The following ADGRV1 variants were observed in gnomAD, a reference collection of about 807,000 sequenced individuals.
ADGRV1 encodes adhesion G protein-coupled receptor V1, also known as G-protein coupled receptor 98.
In ADGRV1, 359 loss-of-function variants were observed where a neutral mutation model predicts 596.2. The observed-to-expected ratio is 0.60, with a 90% CI of 0.55 to 0.66. The LOEUF is 0.66. ADGRV1 is among the 30% of genes least tolerant of loss of function. The pLI is 0.00. For missense variants in ADGRV1, 7,274 were observed against 7,575.6 expected, an observed-to-expected ratio of 0.96 and a Z score of 1.48; for synonymous variants, 2,681 against 2,679.2, an observed-to-expected ratio of 1.00 and a Z score of -0.02.
At chr5:90,603,890 G>A in intron 1 of ADGRV1, among the ~76,000 whole-genome samples, 1 of 121,572 alleles carries the variant, frequency 8.2e-6, no homozygotes, top group African/African-American at 2.7e-5. Context: ...GTGTGTACGT[G>A]CCTGCACACA....
intron 89 of ADGRV1, among the ~76,000 whole-genome samples, chr5:91,157,810 A>G (rs1796595309): frequency 1.3e-5 from 2 of 152,228 alleles, no homozygotes; most frequent in Admixed American, 1.3e-4. Context: ...CTGGGAATGT[A>G]TTCCCTTAAA....
intron 1 of ADGRV1, 62 bp downstream of exon 1, chr5:90,558,979 A>T: frequency 6.9e-7 from 1 of 1,451,530 alleles, no homozygotes; most frequent in Non-Finnish European, 9.3e-7. Context: ...GCGCCTCAGC[A>T]TCAGCACCTG....
chr5:90,725,849 T>C (rs555911750), intron 48 of ADGRV1, among the ~76,000 whole-genome samples, 193 bp downstream of exon 48: 40 of 152,304 alleles, frequency 2.6e-4, no homozygotes, highest in Admixed American at 5.2e-4. Flanking sequence ...TGTTATATTA[T>C]CTTCAAGAGC....
At chr5:91,124,150 T>C (rs1793558061) in intron 87 of ADGRV1, among the ~76,000 whole-genome samples, 1 of 152,138 alleles carries the variant, frequency 6.6e-6, no homozygotes, top group Non-Finnish European at 1.5e-5. Flanking sequence ...TTTTTAAACT[T>C]TTTTACTGAG....
chr5:90,614,864 C>G lies in ADGRV1; in HGVS notation c.52C>G (p.Leu18Val). ...GMPSASLLVNLLSALLILFVF... is the reference protein window; with the variant it reads ...GMPSASLLVNVLSALLILFVF... ...GCCCTCTGCATCTTTATTAGTAAATCTTCTTTCAGCTTTACTCATCCTATT... is the reference window on the plus strand; with the variant it reads ...GCCCTCTGCATCTTTATTAGTAAATGTTCTTTCAGCTTTACTCATCCTATT... The change falls in exon 2 of 90, where the codon CTT (leucine) becomes GTT (valine). Residue 18 changes from leucine (L) to valine (V), a missense_variant. Around this residue, in one of 5 missense-constraint regions of ADGRV1, gnomAD observed 1,715 missense variants for 1,708.8 expected, o/e 1.00. Coordinates refer to ENST00000405460, the MANE Select transcript of ADGRV1 (RefSeq NM_032119.4). 1 of 1,610,020 alleles carries G rather than the reference C, an allele frequency of 6.2e-7. No individual in the cohort carries two copies. Among genetic ancestry groups the G allele is most frequent in the Non-Finnish European group, 8.5e-7 (1 of 1,177,626 alleles).
At chr5:90,923,697 G>C (rs1000580663) in intron 83 of ADGRV1, among the ~76,000 whole-genome samples, 6 of 152,166 alleles carry the variant, frequency 3.9e-5, no homozygotes, top group Non-Finnish European at 8.8e-5. Flanking sequence ...AGTTACATAT[G>C]TATACATGTG....
At chr5:90,808,276 C>G (rs73179309) in intron 73 of ADGRV1, among the ~76,000 whole-genome samples, 1 of 152,126 alleles carries the variant, frequency 6.6e-6, no homozygotes, top group Admixed American at 6.5e-5. Context: ...GGGATAGACT[C>G]GACCAGAGCA....
chr5:90,707,093 G>A (rs925542057), intron 38 of ADGRV1, among the ~76,000 whole-genome samples: 12 of 152,084 alleles, frequency 7.9e-5, no homozygotes, highest in African/African-American at 2.7e-4. Context: ...TTTGTTGGTA[G>A]TAGGACCACT....
chr5:90,765,883 T>G (rs1001035647), intron 59 of ADGRV1, among the ~76,000 whole-genome samples: 5 of 151,262 alleles, frequency 3.3e-5, no homozygotes, highest in Non-Finnish European at 7.4e-5. Context: ...TTTTTTTTAA[T>G]TTTTTAAAAA....
At chr5:90,990,576 G>T (rs763249502) in intron 85 of ADGRV1, among the ~76,000 whole-genome samples, 3 of 152,172 alleles carry the variant, frequency 2.0e-5, no homozygotes, top group Non-Finnish European at 4.4e-5. Flanking sequence ...CTCTCCCACC[G>T]CTCACCTCCT....
chr5:90,897,042 A>G (rs1771396260), intron 83 of ADGRV1, among the ~76,000 whole-genome samples: 1 of 152,238 alleles, frequency 6.6e-6, no homozygotes, highest in Non-Finnish European at 1.5e-5. Flanking sequence ...ATTCTTTCAC[A>G]TGTATTTGCT....
At chr5:90,824,851 C>A (rs78832819) in intron 76 of ADGRV1, among the ~76,000 whole-genome samples, 2 of 152,166 alleles carry the variant, frequency 1.3e-5, no homozygotes, top group Non-Finnish European at 2.9e-5. Context: ...TGAAGACTTA[C>A]TGTATTCTAC....
At chr5:91,037,508 G>A (rs1221201290) in intron 85 of ADGRV1, among the ~76,000 whole-genome samples, 1 of 152,136 alleles carries the variant, frequency 6.6e-6, no homozygotes, top group Non-Finnish European at 1.5e-5. Context: ...AGTTAGTTAT[G>A]TGGATGGAAA....
In ADGRV1 at chr5:91,153,358, G is replaced by A. The variant is rs1278171750; in HGVS notation, c.18762G>A (p.Glu6254=). 3 of 1,610,098 alleles carry A rather than the reference G, an allele frequency of 1.9e-6. No homozygotes were observed. The highest frequency in any genetic ancestry group is 1.7e-5 in the Admixed American group (1 of 59,320). The change falls in exon 89 of 90, where the codon GAG becomes GAA. Residue 6254 remains glutamate, a synonymous_variant. Coordinates refer to ENST00000405460, the MANE Select transcript of ADGRV1 (RefSeq NM_032119.4). ...YGQGSLIADE[E]SQEFDDLIFA... is the part of the protein sequence containing the mutation. The stretch of plus-strand genomic sequence containing the variant: ...AGGGGTCACTGATAGCCGATGAGGA[G>A]TCCCAGGAGTTTGATGATTTAATAT...
chr5:90,621,738 A>G (rs1764102666), intron 4 of ADGRV1, among the ~76,000 whole-genome samples: 1 of 151,966 alleles, frequency 6.6e-6, no homozygotes, highest in Non-Finnish European at 1.5e-5. Flanking sequence ...TTAAAATTAA[A>G]CTAAATAACC....
chr5:90,637,996 T>A, intron 11 of ADGRV1, 48 bp downstream of exon 11: 5 of 1,304,218 alleles, frequency 3.8e-6, no homozygotes, highest in Non-Finnish European at 4.3e-6. Context: ...GTTTGAGTTC[T>A]CTTCAATAAC....
chr5:90,986,508 C>T lies in ADGRV1; in HGVS notation c.18152+986C>T, dbSNP rs1448262997. 3.3e-5 allele frequency among the ~76,000 whole-genome samples: 5 copies of T among 151,832 alleles called. No homozygotes were observed. In the South Asian group the frequency reaches 8.3e-4, roughly 25 times the overall value. ...CACATAGGCAATCACAGACACATAC[C>T]CCATACCACATTCAGATAAAGGAGG... On this transcript the variant is annotated intron_variant, in intron 85 of 89. Transcript: ENST00000405460.
intron 56 of ADGRV1, 89 bp from the exon 57 acceptor site, chr5:90,756,890 G>A (rs942583105): frequency 3.7e-5 from 41 of 1,102,842 alleles, no homozygotes; most frequent in African/African-American, 1.3e-4. Context: ...GTGAAATATA[G>A]AAAGTTAAGT....
chr5:90,653,503 C>T lies in ADGRV1; in HGVS notation c.3929C>T (p.Thr1310Ile). 1.2e-6 allele frequency: 2 copies of T among 1,613,924 alleles called. No homozygotes were observed. The highest frequency in any genetic ancestry group is 1.7e-6 in the Non-Finnish European group (2 of 1,179,874). Residue 1310 changes from threonine (T) to isoleucine (I), a missense_variant, in exon 20 of 90, where the codon ACC becomes ATC. By Grantham distance (89) the Thr-to-Ile change is moderately conservative (BLOSUM62 -1). This residue lies in a region of ADGRV1 where 1,715 missense variants were observed against 1,708.8 expected (regional missense o/e 1.00). Transcript: ENST00000405460. The stretch of plus-strand genomic sequence containing the variant: ...TTTTTACTGGTTGGAATTTTCCCCA[C>T]CACCGTGCATTTACAACAGCACATG... ...IDFLLVGIFPTTVHLQQHMRR... is the reference protein window; with the variant it reads ...IDFLLVGIFPITVHLQQHMRR...
Sources: allele counts gnomAD v4.1 joint callset (sites outside exome capture counted in the v4.1 genomes callset), GRCh38; gene constraint gnomAD v4.1.1; regional missense constraint gnomAD v4.1.1; transcripts MANE v1.5; gene names NCBI Gene and HGNC (gene_info 2026-07-23, HGNC 2026-07-21).